Variants in JAK1 observed in about 807,000 individuals in gnomAD.
JAK1 encodes tyrosine-protein kinase JAK1.
Under a neutral mutation model 136.6 loss-of-function variants are expected in JAK1, and 16 were observed. The ratio of observed to expected loss-of-function variants is 0.12; its 90% CI spans 0.08 to 0.18. The LOEUF (loss-of-function observed/expected upper bound fraction) is 0.18, where lower values mean the gene tolerates loss of function less well. Ranked by LOEUF, JAK1 falls within the 10% of genes least tolerant of loss-of-function variation. The probability of loss-of-function intolerance (pLI) is 1.00; values close to 1 mark genes in which losing one functional copy is unlikely to be tolerated. For missense variants in JAK1, 859 were observed against 1,450.1 expected (o/e 0.59, Z 6.62); for synonymous variants, 492 against 519.5 (o/e 0.95, Z 0.72).
intron 1 of JAK1, among the ~76,000 whole-genome samples, chr1:64,964,571 G>A (rs1309643616): frequency 6.6e-6 from 1 of 152,134 alleles, no homozygotes; most frequent in Non-Finnish European, 1.5e-5. Flanking sequence ...TTTCCCAATG[G>A]TAGTAAATAA....
At chr1:64,872,711 A>C (rs1657144234) in intron 5 of JAK1, among the ~76,000 whole-genome samples, 1 of 152,256 alleles carries the variant, frequency 6.6e-6, no homozygotes, top group African/African-American at 2.4e-5. Flanking sequence ...TAAAACAACG[A>C]AGATCAATAT....
At chr1:64,985,825 G>T in intron 2 of JAK1, 2 of 617,618 alleles carry the variant, frequency 3.2e-6, no homozygotes, top group South Asian at 1.8e-5. Context: ...ATTGAATTAC[G>T]CCTGTCAAAG....
intron 12 of JAK1, among the ~76,000 whole-genome samples, chr1:64,850,147 C>T (rs954018195): frequency 5.9e-5 from 9 of 152,144 alleles, no homozygotes; most frequent in Non-Finnish European, 1.2e-4. Context: ...TCCCTGATAC[C>T]CCAACGCGTG....
Position 64,860,270 on chromosome 1 carries a change from G to A in JAK1, c.1177-8C>T, listed in dbSNP as rs1656205551. On this transcript the variant is annotated splice_region_variant and splice_polypyrimidine_tract_variant and intron_variant, in intron 8 of 24. Transcript: ENST00000342505. ...GGAAGAGAGCTTCAGTTCCTGTTGA[G>A]AGAGAAGAAATTCCCACGGTTACAT... 1 of 1,598,144 alleles carries A rather than the reference G, an allele frequency of 6.3e-7. No individual in the cohort carries two copies. Among genetic ancestry groups the A allele is most frequent in the South Asian group, 1.1e-5 (1 of 88,926 alleles).
intron 1 of JAK1, among the ~76,000 whole-genome samples, chr1:64,902,986 C>G (rs1645134799): frequency 6.6e-6 from 1 of 152,106 alleles, no homozygotes; most frequent in Non-Finnish European, 1.5e-5. Flanking sequence ...TTTCTTAATT[C>G]CTTCTCCTAT....
At chr1:64,910,235 C>T (rs374531756) in intron 1 of JAK1, among the ~76,000 whole-genome samples, 37 of 152,102 alleles carry the variant, frequency 2.4e-4, no homozygotes, top group Admixed American at 1.7e-3. Flanking sequence ...GATTGTAATA[C>T]GGGACAAAAA....
At chr1:65,067,508 T>TCGCGCGGC (rs1379071779) in intron 1 of JAK1, 4 of 144,378 alleles carry the variant, frequency 2.8e-5, no homozygotes. Context: ...GCCCCGAGCC[T>TCGCGCGGC]CGCGCGGCCG....
chr1:65,006,279 T>A (rs1450834540), intron 2 of JAK1, among the ~76,000 whole-genome samples: 4 of 152,232 alleles, frequency 2.6e-5, no homozygotes, highest in Admixed American at 6.5e-5. Context: ...TACCAGACAG[T>A]ATCTGAATTT....
At chr1:64,919,419 A>T (rs918370102) in intron 1 of JAK1, among the ~76,000 whole-genome samples, 2 of 152,190 alleles carry the variant, frequency 1.3e-5, no homozygotes, top group African/African-American at 2.4e-5. Context: ...TCTATCATTG[A>T]TGGACATTTG....
At chr1:65,065,329 G>A (rs1647991995) in intron 1 of JAK1, among the ~76,000 whole-genome samples, 2 of 152,066 alleles carry the variant, frequency 1.3e-5, no homozygotes, top group South Asian at 4.1e-4. Context: ...CTATTCCTTA[G>A]CCAGCAAGAA....
intron 4 of JAK1, among the ~76,000 whole-genome samples, chr1:64,877,169 C>T (rs368580711): frequency 2.0e-5 from 3 of 152,036 alleles, no homozygotes; most frequent in South Asian, 4.1e-4. Flanking sequence ...AAACAGAAAA[C>T]GATAATTGAA....
intron 2 of JAK1, among the ~76,000 whole-genome samples, chr1:65,008,764 T>C (rs1000059876): frequency 1.3e-5 from 2 of 152,136 alleles, no homozygotes; most frequent in African/African-American, 4.8e-5. Context: ...CACAGCTCAT[T>C]GCAGCCTCAA....
chr1:64,877,507 C>G (rs185787322), intron 4 of JAK1, among the ~76,000 whole-genome samples: 1 of 152,266 alleles, frequency 6.6e-6, no homozygotes, highest in African/African-American at 2.4e-5. Flanking sequence ...ACAACCAAGA[C>G]TAATGCCTCA....
intron 2 of JAK1, among the ~76,000 whole-genome samples, chr1:65,014,314 A>G (rs1013847071): frequency 1.3e-5 from 2 of 152,020 alleles, no homozygotes; most frequent in Non-Finnish European, 2.9e-5. Context: ...AAGAGGCCAA[A>G]CAAATCCCAG....
intron 1 of JAK1, among the ~76,000 whole-genome samples, chr1:65,047,165 G>C (rs1456439601): frequency 6.6e-6 from 1 of 152,044 alleles, no homozygotes; most frequent in African/African-American, 2.4e-5. Context: ...TCTAGCCTGG[G>C]TAAAACCCTG....
intron 2 of JAK1, among the ~76,000 whole-genome samples, chr1:64,997,604 G>C (rs535773495): frequency 1.3e-5 from 2 of 152,296 alleles, no homozygotes; most frequent in East Asian, 3.9e-4. Flanking sequence ...CTTTGGGTAT[G>C]AGAGATAACC....
rs540806294 is a variant in JAK1, at chr1:65,029,459, C to G, written c.-78+15021G>C. Reference sequence around the variant, plus strand: ...ACCATTTGACCCAGCAATCCCATTACTGGGTATATACCCAAAGGAATACAA... The same window carrying G: ...ACCATTTGACCCAGCAATCCCATTAGTGGGTATATACCCAAAGGAATACAA... On this transcript the variant is annotated intron_variant, in intron 2 of 25. Transcript: ENST00000671954. Among the ~76,000 whole-genome samples, 4 of 152,310 alleles carry G rather than the reference C, an allele frequency of 2.6e-5. No individual in the cohort carries two copies. In the South Asian group the frequency reaches 8.3e-4, roughly 32 times the overall value.
intron 4 of JAK1, chr1:64,876,514 G>A (rs1033617394): frequency 2.0e-5 from 3 of 152,028 alleles, no homozygotes; most frequent in Admixed American, 6.6e-5. Flanking sequence ...AAATAAGGCC[G>A]GCAGCTTTCT....
At chr1:64,985,024 C>T (rs1156541116) in intron 2 of JAK1, 4 of 859,616 alleles carry the variant, frequency 4.7e-6, no homozygotes, top group Non-Finnish European at 8.1e-6. Context: ...CCATTACACT[C>T]ATCCTTCAAT....
Sources: gnomAD v4.1 joint callset for allele counts (sites outside exome capture counted in the v4.1 genomes callset) on GRCh38, gnomAD v4.1.1 for gene constraint, MANE v1.5 for transcripts, NCBI Gene and HGNC (gene_info 2026-07-23, HGNC 2026-07-21) for gene names.